The following PPP1R21 variants were observed in gnomAD, a reference collection of about 807,000 sequenced individuals.
PPP1R21 encodes the protein protein phosphatase 1 regulatory subunit 21, also known as KLRAQ motif containing 1.
A neutral mutation model predicts 112.8 loss-of-function variants in PPP1R21; 85 were observed. That is an observed-to-expected ratio of 0.75 (90% CI 0.63 to 0.90). PPP1R21 has a LOEUF of 0.90. Ranked by LOEUF, PPP1R21 falls within the 40% of genes least tolerant of loss-of-function variation. PPP1R21 has a pLI of 0.00. For missense variants in PPP1R21, 1,199 were observed against 901.5 expected, an observed-to-expected ratio of 1.33 and a Z score of -4.23; for synonymous variants, 381 against 322.3, an observed-to-expected ratio of 1.18 and a Z score of -1.95.
intron 13 of PPP1R21, among the ~76,000 whole-genome samples, chr2:48,481,892 G>C (rs1195745556): frequency 1.3e-5 from 2 of 152,182 alleles, no homozygotes; most frequent in African/African-American, 4.8e-5. Flanking sequence ...TAAAGTTGCA[G>C]TCAAAACTTA....
At chr2:48,500,873 C>T (rs560454240) in intron 17 of PPP1R21, among the ~76,000 whole-genome samples, 2 of 152,124 alleles carry the variant, frequency 1.3e-5, no homozygotes, top group South Asian at 4.2e-4. Context: ...CATGCCACTG[C>T]ACTCCAGCCT....
intron 12 of PPP1R21, among the ~76,000 whole-genome samples, 169 bp downstream of exon 12, chr2:48,474,988 C>G (rs536644965): frequency 1.3e-5 from 2 of 152,322 alleles, no homozygotes; most frequent in Non-Finnish European, 2.9e-5. Context: ...TTGGGCAAAG[C>G]TCTTGACCTC....
chr2:48,465,836 A>G (rs1668176755), intron 9 of PPP1R21, among the ~76,000 whole-genome samples, 194 bp downstream of exon 9: 1 of 152,238 alleles, frequency 6.6e-6, no homozygotes, highest in Admixed American at 6.5e-5. Flanking sequence ...AGGGAAGTGT[A>G]TTAGTCTGTT....
chr2:48,464,858 C>T lies in PPP1R21; in HGVS notation c.695-79C>T, dbSNP rs1168061601. 1.5e-5 allele frequency: 16 copies of T among 1,048,320 alleles called. No individual in the cohort carries two copies. The Admixed American group carries it at 3.1e-4, about 21-fold the overall frequency. 64.9% of individuals were successfully genotyped at this position (1,048,320 alleles called of 1,614,324 possible). A position where few individuals can be genotyped will look rare whatever the true frequency, so the allele number is the denominator to read the frequency against. ...ATGTAAAGTTGATTTTGCTTCAGAG[C>T]ATTCATTATTTTGCATTTAAGTTAT... On this transcript the variant is annotated intron_variant, in intron 7 of 21. Coordinates refer to ENST00000294952, the MANE Select transcript of PPP1R21 (RefSeq NM_001135629.3).
At chr2:48,483,374 G>A (rs959997064) in intron 13 of PPP1R21, among the ~76,000 whole-genome samples, 5 of 151,732 alleles carry the variant, frequency 3.3e-5, no homozygotes, top group Non-Finnish European at 7.4e-5. Context: ...ATAGAGACAG[G>A]GTTTCGCCAT....
chr2:48,510,985 C>T (rs571583389), intron 20 of PPP1R21, among the ~76,000 whole-genome samples: 85 of 152,268 alleles, frequency 5.6e-4, no homozygotes, highest in African/African-American at 1.9e-3. Flanking sequence ...AGCTGCATGT[C>T]AATTGATCAG....
intron 11 of PPP1R21, 182 bp downstream of exon 11, chr2:48,471,549 A>G (rs1668495998): frequency 6.8e-6 from 4 of 584,532 alleles, no homozygotes; most frequent in African/African-American, 1.9e-5. Flanking sequence ...AATTTAAGAA[A>G]GTTGAATTAT....
At chr2:48,461,318 G>T in intron 7 of PPP1R21, 86 bp downstream of exon 7, 3 of 1,371,588 alleles carry the variant, frequency 2.2e-6, no homozygotes, top group Non-Finnish European at 2.8e-6. Context: ...TTAATCTTTT[G>T]GGCAAAAAAT....
chr2:48,513,490 G>A lies in PPP1R21; in HGVS notation c.2314-1225G>A, dbSNP rs558349237. ...TTCCCAAAGTGCTGGGATTACAGGC[G>A]TGAATCACAGCACACAGCATTTTAG... On this transcript the variant is annotated intron_variant, in intron 21 of 21. Coordinates refer to ENST00000294952, the MANE Select transcript of PPP1R21 (RefSeq NM_001135629.3). 2.0e-4 allele frequency among the ~76,000 whole-genome samples: 31 copies of A among 151,930 alleles called. No homozygotes were observed. In the South Asian group the frequency reaches 2.3e-3, roughly 11 times the overall value.
intron 11 of PPP1R21, among the ~76,000 whole-genome samples, chr2:48,471,967 C>T (rs1157755600): frequency 6.6e-6 from 1 of 152,024 alleles, no homozygotes; most frequent in Non-Finnish European, 1.5e-5. Flanking sequence ...AGGCCGGGCG[C>T]AGTGGCTCAC....
intron 16 of PPP1R21, among the ~76,000 whole-genome samples, chr2:48,496,267 T>A (rs911092956): frequency 1.3e-5 from 2 of 152,134 alleles, no homozygotes; most frequent in Non-Finnish European, 2.9e-5. Flanking sequence ...GTAACTCCCA[T>A]AGTCCTTGTT....
chr2:48,455,922 G>A (rs1434631842), intron 3 of PPP1R21, among the ~76,000 whole-genome samples: 1 of 151,152 alleles, frequency 6.6e-6, no homozygotes, highest in Non-Finnish European at 1.5e-5. Context: ...AGCTGAGGCA[G>A]GAGAATGGCG....
chr2:48,459,832 G>C lies in PPP1R21; in HGVS notation c.454G>C (p.Ala152Pro). The C allele has an allele frequency of 6.2e-7, 1 of 1,614,194 alleles. No homozygotes were observed. Among genetic ancestry groups the C allele is most frequent in the Non-Finnish European group, 8.5e-7 (1 of 1,180,050 alleles). The change falls in exon 5 of 22, where the codon GCC becomes CCC. Residue 152 changes from alanine to proline, a missense_variant. Coordinates refer to ENST00000294952, the MANE Select transcript of PPP1R21 (RefSeq NM_001135629.3). The part of the protein sequence containing the change: ...SRLATLETEA[A>P]QHQAVVDGLT... The stretch of plus-strand genomic sequence containing the variant: ...ACTGGCCACTCTGGAGACAGAAGCA[G>C]CCCAGCACCAAGCTGTGGTTGACGG...
rs562899380 is a variant in PPP1R21, at chr2:48,454,310, T to C, written c.127-285T>C. ...AATAAATCAAATAAGTTTATAAATT[T>C]GTAGCCTCAATCTTTGTGTCTGTTC... On this transcript the variant is annotated intron_variant, in intron 2 of 21. Coordinates refer to ENST00000294952, the MANE Select transcript of PPP1R21 (RefSeq NM_001135629.3). 1.1e-4 allele frequency among the ~76,000 whole-genome samples: 16 copies of C among 152,110 alleles called. 1 individual carries two copies. The highest frequency in any genetic ancestry group is 2.1e-4 in the Non-Finnish European group (14 of 68,024).
chr2:48,493,300 C>G (rs757183507), intron 15 of PPP1R21, among the ~76,000 whole-genome samples: 1 of 152,140 alleles, frequency 6.6e-6, no homozygotes, highest in Non-Finnish European at 1.5e-5. Flanking sequence ...CCACTGCGCC[C>G]GGCCTTACCT....
intron 17 of PPP1R21, among the ~76,000 whole-genome samples, chr2:48,502,767 G>C (rs1004591972): frequency 1.4e-5 from 2 of 138,720 alleles, no homozygotes; most frequent in Non-Finnish European, 3.0e-5. Flanking sequence ...TGCAAGCTCC[G>C]CTTCCCGGGT....
chr2:48,460,186 G>C, intron 6 of PPP1R21, 33 bp downstream of exon 6: 1 of 1,608,618 alleles, frequency 6.2e-7, no homozygotes, highest in Non-Finnish European at 8.5e-7. Context: ...AGAGGGTTCT[G>C]AAGCAAGACT....
chr2:48,453,256 G>A (rs1203642510), intron 2 of PPP1R21, among the ~76,000 whole-genome samples: 1 of 151,946 alleles, frequency 6.6e-6, no homozygotes, highest in Non-Finnish European at 1.5e-5. Context: ...ACCTGGCCTA[G>A]GTTGCTGTTT....
intron 13 of PPP1R21, among the ~76,000 whole-genome samples, chr2:48,484,356 G>A (rs1278505636): frequency 6.6e-6 from 1 of 152,068 alleles, no homozygotes; most frequent in African/African-American, 2.4e-5. Context: ...TTGATCTTTA[G>A]TCTCAGAGGT....
Sources: allele counts gnomAD v4.1 joint callset (sites outside exome capture counted in the v4.1 genomes callset), GRCh38; gene constraint gnomAD v4.1.1; transcripts MANE v1.5; gene names NCBI Gene and HGNC (gene_info 2026-07-23, HGNC 2026-07-21).